PTPRC: variants seen among roughly 807,000 people sequenced by gnomAD.
The protein encoded by PTPRC is receptor-type tyrosine-protein phosphatase C.
Under a neutral mutation model 155.9 loss-of-function variants are expected in PTPRC, and 44 were observed. The observed-to-expected ratio is 0.28, with a 90% CI of 0.22 to 0.36. PTPRC has a LOEUF of 0.36. Among genes scored for constraint, PTPRC ranks in the 10% least tolerant of loss-of-function variants. The pLI, the probability that PTPRC is intolerant of heterozygous loss-of-function variation, is 1.00. For synonymous variants in PTPRC, 525 were observed against 533.1 expected, an observed-to-expected ratio of 0.98 and a Z score of 0.21; for missense variants, 1,401 against 1,564.6, an observed-to-expected ratio of 0.90 and a Z score of 1.76.
intron 8 of PTPRC, among the ~76,000 whole-genome samples, chr1:198,705,660 A>G (rs1037068744): frequency 6.6e-6 from 1 of 151,850 alleles, no homozygotes; most frequent in African/African-American, 2.4e-5. Flanking sequence ...ACCTCAGGTG[A>G]TCAACCTGAC....
intron 2 of PTPRC, among the ~76,000 whole-genome samples, chr1:198,649,389 C>T (rs1663117268): frequency 6.6e-6 from 1 of 151,728 alleles, no homozygotes; most frequent in Non-Finnish European, 1.5e-5. Flanking sequence ...ATAAATGAAG[C>T]ATAAGACATC....
intron 2 of PTPRC, among the ~76,000 whole-genome samples, chr1:198,639,738 A>G (rs1662468226): frequency 6.6e-6 from 1 of 152,104 alleles, no homozygotes; most frequent in Admixed American, 6.6e-5. Flanking sequence ...GATCTTTTAA[A>G]AAGTCATAAA....
chr1:198,653,459 A>C (rs564011655), intron 2 of PTPRC, among the ~76,000 whole-genome samples: 1 of 151,916 alleles, frequency 6.6e-6, no homozygotes, highest in African/African-American at 2.4e-5. Flanking sequence ...AAAAACAAGA[A>C]ATGATTCACA....
intron 12 of PTPRC, among the ~76,000 whole-genome samples, chr1:198,714,483 A>C (rs1186967623): frequency 1.3e-5 from 2 of 152,260 alleles, no homozygotes; most frequent in Admixed American, 6.5e-5. Context: ...AGCTGTCCAC[A>C]TAGAACACTT....
At chr1:198,731,333 T>C (rs1299285710) in intron 17 of PTPRC, among the ~76,000 whole-genome samples, 1 of 152,054 alleles carries the variant, frequency 6.6e-6, no homozygotes, top group Non-Finnish European at 1.5e-5. Flanking sequence ...AATGTCCTTA[T>C]AATGGTGATG....
chr1:198,642,798 G>A (rs915630487), intron 2 of PTPRC, among the ~76,000 whole-genome samples: 5 of 151,610 alleles, frequency 3.3e-5, no homozygotes, highest in African/African-American at 4.8e-5. Context: ...TCTTCTCATT[G>A]CCTTTGGTAT....
At chr1:198,704,333 C>A in intron 7 of PTPRC, 139 bp from the exon 8 acceptor site, 1 of 1,468,062 alleles carries the variant, frequency 6.8e-7, no homozygotes, top group Admixed American at 2.0e-5. Context: ...CTGTACTAGG[C>A]AAATCCTTCA....
chr1:198,654,252 T>A (rs1663414693), intron 2 of PTPRC, among the ~76,000 whole-genome samples: 1 of 151,878 alleles, frequency 6.6e-6, no homozygotes, highest in Non-Finnish European at 1.5e-5. Flanking sequence ...GCTGTTAAAA[T>A]GTCTAGAGGT....
intron 2 of PTPRC, among the ~76,000 whole-genome samples, chr1:198,659,545 AT>A (rs61007845): frequency 4.2e-4 from 59 of 141,010 alleles, no homozygotes; most frequent in African/African-American, 7.9e-4. Context: ...ATACATATAT[AT>A]TTTTTTTTTT....
rs1421984156 is a variant in PTPRC, at chr1:198,754,264, T to C, written c.3510-5T>C. On this transcript the variant is annotated splice_polypyrimidine_tract_variant and splice_region_variant and intron_variant, in intron 31 of 32. Transcript: ENST00000442510. ...ATTATTTTCTATCTTTTCTTTCTTT[T>C]ATAGGGATGGATCTCAGCAAACGGG... 2 of 1,606,926 alleles carry C rather than the reference T, an allele frequency of 1.2e-6. No homozygotes were observed. The highest frequency in any genetic ancestry group is 1.7e-5 in the Admixed American group (1 of 59,888).
chr1:198,663,587 C>A (rs942798101), intron 2 of PTPRC, among the ~76,000 whole-genome samples: 1 of 152,214 alleles, frequency 6.6e-6, no homozygotes, highest in Non-Finnish European at 1.5e-5. Context: ...TCTGAATCCA[C>A]AGCTGACCTA....
At chr1:198,671,609 A>G (rs1269531773) in intron 2 of PTPRC, among the ~76,000 whole-genome samples, 1 of 152,146 alleles carries the variant, frequency 6.6e-6, no homozygotes, top group Non-Finnish European at 1.5e-5. Flanking sequence ...TCTTTTTTGT[A>G]TTAAAGACCA....
Position 198,752,319 on chromosome 1 carries a change from C to T in PTPRC, c.3278C>T (p.Thr1093Ile), listed in dbSNP as rs984089455. 3.7e-6 allele frequency: 6 copies of T among 1,612,394 alleles called. No homozygotes were observed. Among genetic ancestry groups the T allele is most frequent in the Non-Finnish European group, 5.1e-6 (6 of 1,178,940 alleles). ...YGDIEVDLKD[T>I]DKSSTYTLRV... ...GATATTGAAGTTGACCTGAAAGACA[C>T]AGACAAATCTTCAACTTATACCCTT... Residue 1093 changes from threonine (T) to isoleucine (I), a missense_variant, in exon 30 of 33, where the codon ACA becomes ATA. Physicochemically the swap from Thr to Ile is moderately conservative, Grantham distance 89 (BLOSUM62 -1). Coordinates refer to ENST00000442510, the MANE Select transcript of PTPRC (RefSeq NM_002838.5).
chr1:198,719,575 TTTG>T (rs1653778046), intron 14 of PTPRC, among the ~76,000 whole-genome samples: 1 of 146,410 alleles, frequency 6.8e-6, no homozygotes, highest in South Asian at 2.1e-4. Flanking sequence ...ATATTCTTTT[TTTG>T]TTTTGTTTTG....
Position 198,741,773 on chromosome 1 carries a change from C to T in PTPRC, c.2404-96C>T, listed in dbSNP as rs374906121. ...CTCTTTTGAGTAGTTTATGTTTACA[C>T]GAGGAGACTTTGTACTGGTACTCCC... On this transcript the variant is annotated intron_variant, in intron 23 of 32. Transcript: ENST00000442510. 203 of 1,232,332 alleles carry T rather than the reference C, an allele frequency of 1.6e-4. 2 individuals carry two copies. The South Asian group carries it at 2.3e-3, about 14-fold the overall frequency. The allele number at this position is 1,232,332 out of a possible 1,614,324, so 76.3% of individuals were successfully genotyped here.
intron 20 of PTPRC, 96 bp from the exon 21 acceptor site, chr1:198,734,100 A>T (rs1275192962): frequency 4.3e-6 from 5 of 1,160,734 alleles, no homozygotes; most frequent in South Asian, 1.3e-5. Context: ...TCACAAAATG[A>T]TGGATCTGAA....
At chr1:198,712,718 T>C (rs1046127207) in intron 11 of PTPRC, 5 of 516,150 alleles carry the variant, frequency 9.7e-6, no homozygotes, top group Non-Finnish European at 1.7e-5. Flanking sequence ...TTCTTAGATA[T>C]CTTCAAGTCA....
Position 198,694,281 on chromosome 1 carries a change from G to A in PTPRC, c.100+1908G>A, listed in dbSNP as rs115040777. 3,957 of 687,702 alleles carry A rather than the reference G, an allele frequency of 5.8e-3. 13 individuals are homozygous for A. The highest frequency in any genetic ancestry group is 6.7e-3 in the Non-Finnish European group (3,577 of 534,174). 42.6% of individuals were successfully genotyped at this position (687,702 alleles called of 1,614,324 possible). ...CTTCTTGTGCCTGCTTTTTCTAGCCGTGCTGGCAGTTGCTTGGATGATGCC... is the reference window on the plus strand; with the variant it reads ...CTTCTTGTGCCTGCTTTTTCTAGCCATGCTGGCAGTTGCTTGGATGATGCC... On this transcript the variant is annotated intron_variant, in intron 3 of 32. Transcript: ENST00000442510.
At chr1:198,720,064 A>G (rs758561034) in intron 14 of PTPRC, among the ~76,000 whole-genome samples, 38 of 151,992 alleles carry the variant, frequency 2.5e-4, no homozygotes, top group Non-Finnish European at 2.9e-4. Context: ...AGTTTAAATG[A>G]TGCAAAACCA....
Sources: gnomAD v4.1 joint callset for allele counts (sites outside exome capture counted in the v4.1 genomes callset) on GRCh38, gnomAD v4.1.1 for gene constraint, MANE v1.5 for transcripts, NCBI Gene and HGNC (gene_info 2026-07-23, HGNC 2026-07-21) for gene names.